RYR2: variants seen among roughly 807,000 people sequenced by gnomAD.
The protein encoded by RYR2 is ryanodine receptor 2, also known as cardiac muscle ryanodine receptor-calcium release channel.
RYR2 carries 227 observed loss-of-function variants against 601.1 expected under a neutral mutation model. The ratio of observed to expected loss-of-function variants is 0.38; its 90% CI spans 0.34 to 0.42. The LOEUF (loss-of-function observed/expected upper bound fraction) is 0.42, where lower values mean the gene tolerates loss of function less well. RYR2 is among the 10% of genes least tolerant of loss of function. RYR2 has a pLI of 1.00. For synonymous variants in RYR2, 2,223 were observed against 2,175.1 expected, an observed-to-expected ratio of 1.02 and a Z score of -0.61; for missense variants, 4,646 against 6,156.5, an observed-to-expected ratio of 0.75 and a Z score of 8.21.
At chr1:237,276,261 G>A (rs1690277406) in intron 2 of RYR2, among the ~76,000 whole-genome samples, 1 of 152,024 alleles carries the variant, frequency 6.6e-6, no homozygotes. Context: ...CACCATGCCT[G>A]GCTAATTTTT....
chr1:237,809,643 G>T (rs1661046393), intron 100 of RYR2, among the ~76,000 whole-genome samples: 1 of 152,110 alleles, frequency 6.6e-6, no homozygotes, highest in Non-Finnish European at 1.5e-5. Context: ...TATATCACTA[G>T]CTGGAAAGAG....
At chr1:237,514,786 G>A (rs1666253461) in intron 24 of RYR2, among the ~76,000 whole-genome samples, 1 of 152,160 alleles carries the variant, frequency 6.6e-6, no homozygotes, top group African/African-American at 2.4e-5. Flanking sequence ...TTAGTAGAAT[G>A]AGGATCATAA....
chr1:237,281,732 C>T (rs1690895388), intron 2 of RYR2, among the ~76,000 whole-genome samples: 1 of 152,194 alleles, frequency 6.6e-6, no homozygotes, highest in Non-Finnish European at 1.5e-5. Context: ...AGCCTTAGTT[C>T]TCACAAATAC....
rs1319687644 is a variant in RYR2, at chr1:237,732,035, C to CT, written c.10936-5dup. ...TTAATGTGACATTTTATAAATTTGA[C>CT]TTTTTTGCAGAAACCTGGGGCTGAA... On this transcript the variant is annotated splice_polypyrimidine_tract_variant and intron_variant, in intron 77 of 104. Coordinates refer to ENST00000366574, the MANE Select transcript of RYR2 (RefSeq NM_001035.3). 6 of 1,576,256 alleles carry CT rather than the reference C, an allele frequency of 3.8e-6. No individual in the cohort carries two copies. The highest frequency in any genetic ancestry group is 2.7e-5 in the African/African-American group (2 of 73,224).
intron 2 of RYR2, among the ~76,000 whole-genome samples, chr1:237,283,163 C>G (rs947284049): frequency 6.6e-6 from 1 of 152,214 alleles, no homozygotes; most frequent in African/African-American, 2.4e-5. Flanking sequence ...GTTTAGGTAT[C>G]TGTCAAATGT....
chr1:237,488,796 G>A (rs980011799), intron 17 of RYR2, among the ~76,000 whole-genome samples: 1 of 151,786 alleles, frequency 6.6e-6, no homozygotes, highest in East Asian at 1.9e-4. Context: ...ACCATCCTTC[G>A]CTGACTCCTT....
At chr1:237,251,609 G>A (rs1047687529) in intron 1 of RYR2, among the ~76,000 whole-genome samples, 4 of 152,070 alleles carry the variant, frequency 2.6e-5, no homozygotes, top group African/African-American at 7.2e-5. Flanking sequence ...AGATCGTCCT[G>A]TCTTTAGTTA....
At chr1:237,289,061 A>C (rs576657247) in intron 2 of RYR2, among the ~76,000 whole-genome samples, 1 of 152,250 alleles carries the variant, frequency 6.6e-6, no homozygotes, top group South Asian at 2.1e-4. Context: ...TTTTCACGCA[A>C]ACAGACCTTC....
chr1:237,821,036 T>C (rs1773466), intron 101 of RYR2, among the ~76,000 whole-genome samples: 39,793 of 151,892 alleles, frequency 0.26, 5,627 homozygotes, highest in East Asian at 0.6. Context: ...TATTTACTTA[T>C]AGATAAAACC....
intron 1 of RYR2, among the ~76,000 whole-genome samples, chr1:237,185,315 C>T (rs1679228945): frequency 6.6e-6 from 1 of 152,126 alleles, no homozygotes; most frequent in East Asian, 1.9e-4. Flanking sequence ...GCCCTTTATA[C>T]CAAAACTTCC....
At chr1:237,652,030 C>T (rs760725991) in intron 51 of RYR2, among the ~76,000 whole-genome samples, 3 of 150,864 alleles carry the variant, frequency 2.0e-5, no homozygotes, top group Admixed American at 6.6e-5. Context: ...AGCGAGACTC[C>T]GTCAAAAAAA....
chr1:237,339,020 A>G (rs1003266840), intron 3 of RYR2, among the ~76,000 whole-genome samples: 1 of 152,210 alleles, frequency 6.6e-6, no homozygotes, highest in African/African-American at 2.4e-5. Flanking sequence ...CCATTTTCAA[A>G]TATGCTCTGT....
rs556797126 is a variant in RYR2 at position 237,306,023 on chromosome 1, T to C, written c.169-24855T>C. On this transcript the variant is annotated intron_variant, in intron 2 of 104. Coordinates refer to ENST00000366574, the MANE Select transcript of RYR2 (RefSeq NM_001035.3). ...CTCTGAACATAGCCTACAGAAATGT[T>C]GGCAATACATGAAAAATTATGTCTT... is the stretch of plus-strand genomic sequence containing the variant. 2.6e-5 allele frequency among the ~76,000 whole-genome samples: 4 copies of C among 152,334 alleles called. No homozygotes were observed. The South Asian group carries it at 8.3e-4, about 32-fold the overall frequency.
At chr1:237,790,266 C>T (rs747055071) in intron 92 of RYR2, among the ~76,000 whole-genome samples, 48 of 152,052 alleles carry the variant, frequency 3.2e-4, no homozygotes, top group Non-Finnish European at 1.6e-4. Flanking sequence ...ATCTTTGAAC[C>T]CTCTCTTTCC....
intron 95 of RYR2, among the ~76,000 whole-genome samples, chr1:237,794,839 A>T (rs997961402): frequency 6.6e-6 from 1 of 152,196 alleles, no homozygotes; most frequent in Non-Finnish European, 1.5e-5. Flanking sequence ...CTCTCTATGT[A>T]TTAGTGAAGA....
rs368930064 is a variant in RYR2 at position 237,387,231 on chromosome 1, T to C, written c.577-50T>C. The C allele has an allele frequency of 2.6e-6, 4 of 1,538,538 alleles. No individual in the cohort carries two copies. In the African/African-American group the frequency reaches 5.4e-5, roughly 21 times the overall value. ...TGCATTCCTAGAAGCACTTACATGT[T>C]ACAGCTTACCAGAGCCTGAAGTGAT... On this transcript the variant is annotated intron_variant, in intron 8 of 104. Transcript: ENST00000366574.
chr1:237,256,011 A>T lies in RYR2; in HGVS notation c.49-14486A>T, dbSNP rs1012252991. ...TGACAGTCTTTAGAATTGCCTTTTG[A>T]TGTGGTTTGGCTGTGTCGCCACCCA... is the stretch of plus-strand genomic sequence containing the variant. On this transcript the variant is annotated intron_variant, in intron 1 of 104. Coordinates refer to ENST00000366574, the MANE Select transcript of RYR2 (RefSeq NM_001035.3). Among the ~76,000 whole-genome samples the T allele has an allele frequency of 2.0e-5, 3 of 152,054 alleles. No homozygotes were observed. In the East Asian group the frequency reaches 5.8e-4, roughly 29 times the overall value.
At position 237,623,753 on chromosome 1, in the gene RYR2, T is replaced by G. The variant is rs746414195; in HGVS notation, c.5917-12T>G. ...CCTCCTTCTTCCTCTTTCTTGTTTT[T>G]CAAACTTTCAGATCAATATGCTTCT... On this transcript the variant is annotated splice_polypyrimidine_tract_variant and intron_variant, in intron 38 of 104. Transcript: ENST00000366574. The G allele has an allele frequency of 1.7e-5, 27 of 1,559,226 alleles. No homozygotes were observed. The East Asian group carries it at 6.1e-4, about 35-fold the overall frequency.
intron 84 of RYR2, 37 bp downstream of exon 84, chr1:237,761,065 C>T (rs781600599): frequency 2.5e-6 from 3 of 1,188,198 alleles, no homozygotes; most frequent in African/African-American, 3.0e-5. Flanking sequence ...CACCTGTCTC[C>T]CTTCCCTCCC....
Sources: allele counts gnomAD v4.1 joint callset (sites outside exome capture counted in the v4.1 genomes callset), GRCh38; gene constraint gnomAD v4.1.1; transcripts MANE v1.5; gene names NCBI Gene and HGNC (gene_info 2026-07-23, HGNC 2026-07-21).